The following DGKH variants were observed in gnomAD, a reference collection of about 807,000 sequenced individuals.
DGKH encodes DAG kinase eta.
Under a neutral mutation model 159.3 loss-of-function variants are expected in DGKH, and 90 were observed. That is an observed-to-expected ratio of 0.57 (90% CI 0.48 to 0.67). The LOEUF (loss-of-function observed/expected upper bound fraction) is 0.67. Ranked by LOEUF, DGKH falls within the 30% of genes least tolerant of loss-of-function variation. The probability of loss-of-function intolerance (pLI) is 0.00; values close to 1 mark genes in which losing one functional copy is unlikely to be tolerated. For synonymous variants in DGKH, 536 were observed against 553.8 expected, an observed-to-expected ratio of 0.97 and a Z score of 0.45; for missense variants, 1,181 against 1,506.1, an observed-to-expected ratio of 0.78 and a Z score of 3.57.
intron 23 of DGKH, among the ~76,000 whole-genome samples, 196 bp from the exon 24 acceptor site, chr13:42,210,406 A>T (rs1957621528): frequency 6.6e-6 from 1 of 152,134 alleles, no homozygotes; most frequent in African/African-American, 2.4e-5. Flanking sequence ...CTTTTAAATG[A>T]TGTATTCATG....
chr13:42,219,736 A>C lies in DGKH; in HGVS notation c.3384A>C (p.Arg1128=), dbSNP rs753532093. ...GGAACAACAGAAGCACCGTATTTCGAATAGTGCCAAAGTTTAAAAAGGAAA... is the reference window on the plus strand; with the variant it reads ...GGAACAACAGAAGCACCGTATTTCGCATAGTGCCAAAGTTTAAAAAGGAAA... The part of the protein sequence containing the change: ...TKRNNRSTVF[R]IVPKFKKEKV... The change falls in exon 28 of 30, where the codon CGA becomes CGC. Residue 1128 remains arginine (R), a synonymous_variant. Coordinates refer to ENST00000337343, the MANE Select transcript of DGKH (RefSeq NM_178009.5). 1 of 1,613,858 alleles carries C rather than the reference A, an allele frequency of 6.2e-7. No homozygotes were observed. The highest frequency in any genetic ancestry group is 8.5e-7 in the Non-Finnish European group (1 of 1,179,836).
intron 17 of DGKH, among the ~76,000 whole-genome samples, chr13:42,196,492 T>C (rs762025353): frequency 7.9e-5 from 12 of 152,232 alleles, no homozygotes; most frequent in Non-Finnish European, 1.5e-4. Context: ...TGATACATGC[T>C]ATATAGAAAC....
chr13:42,253,915 G>A (rs549246219), intron 30 of DGKH, among the ~76,000 whole-genome samples: 1 of 148,176 alleles, frequency 6.7e-6, no homozygotes, highest in South Asian at 2.1e-4. Context: ...AACTTAGTAT[G>A]AAAAAAAGAA....
At chr13:42,096,355 C>A (rs547781209) in intron 1 of DGKH, among the ~76,000 whole-genome samples, 31 of 152,228 alleles carry the variant, frequency 2.0e-4, no homozygotes, top group African/African-American at 7.5e-4. Context: ...GTTTTCTGTT[C>A]CTGCGTTAAT....
At chr13:42,130,240 C>T (rs1265203801) in intron 3 of DGKH, among the ~76,000 whole-genome samples, 1 of 152,196 alleles carries the variant, frequency 6.6e-6, no homozygotes, top group Non-Finnish European at 1.5e-5. Context: ...CCTTCTCTGT[C>T]CCACCAGTGC....
intron 24 of DGKH, among the ~76,000 whole-genome samples, chr13:42,212,809 AGGCACACAGT>A (rs1957690756): frequency 6.6e-6 from 1 of 152,206 alleles, no homozygotes; most frequent in African/African-American, 2.4e-5. Flanking sequence ...GATTGACATG[AGGCACACAGT>A]GGACTCTGTA....
intron 21 of DGKH, among the ~76,000 whole-genome samples, chr13:42,208,523 G>A (rs1261199389): frequency 6.6e-6 from 1 of 151,910 alleles, no homozygotes; most frequent in African/African-American, 2.4e-5. Context: ...ATCATAATTT[G>A]CATCTTCATT....
chr13:42,206,265 G>T, intron 21 of DGKH, 119 bp downstream of exon 21: 1 of 496,124 alleles, frequency 2.0e-6, no homozygotes, highest in Non-Finnish European at 3.2e-6. Context: ...TTTTGCATTG[G>T]GTAAGTGAGG....
chr13:42,205,225 G>A (rs1206225184), intron 20 of DGKH, among the ~76,000 whole-genome samples: 5 of 152,056 alleles, frequency 3.3e-5, no homozygotes, highest in Non-Finnish European at 5.9e-5. Context: ...TAATAAGTAT[G>A]ATCATAAAAT....
chr13:42,193,642 G>A (rs768100652), intron 16 of DGKH, among the ~76,000 whole-genome samples: 1 of 152,192 alleles, frequency 6.6e-6, no homozygotes, highest in East Asian at 1.9e-4. Context: ...TCATTAGTAC[G>A]CTCTCTGCTT....
At chr13:42,070,873 T>C (rs1455643601) in intron 1 of DGKH, 19 of 1,294,616 alleles carry the variant, frequency 1.5e-5, no homozygotes, top group Non-Finnish European at 2.1e-5. Flanking sequence ...AATGTTATCA[T>C]GGTCAAGTCT....
intron 1 of DGKH, among the ~76,000 whole-genome samples, chr13:42,041,136 C>T (rs1320979385): frequency 1.3e-5 from 2 of 152,170 alleles, no homozygotes; most frequent in African/African-American, 4.8e-5. Flanking sequence ...AGGCTCTCCC[C>T]GAGGAACCGC....
At chr13:42,158,074 C>T (rs1956087654) in intron 5 of DGKH, among the ~76,000 whole-genome samples, 1 of 152,120 alleles carries the variant, frequency 6.6e-6, no homozygotes, top group Non-Finnish European at 1.5e-5. Flanking sequence ...GAATATTTTT[C>T]AAGGATAAAC....
intron 1 of DGKH, among the ~76,000 whole-genome samples, chr13:42,111,495 G>T (rs529045984): frequency 6.6e-6 from 1 of 152,134 alleles, no homozygotes; most frequent in African/African-American, 2.4e-5. Flanking sequence ...TGCGAGAATC[G>T]CTTGAACCTG....
Position 42,059,909 on chromosome 13 carries a change from T to C in DGKH, c.192+10944T>C, listed in dbSNP as rs557588031. 1.3e-3 allele frequency among the ~76,000 whole-genome samples: 198 copies of C among 150,746 alleles called. 2 individuals carry two copies. Among genetic ancestry groups the C allele is most frequent in the African/African-American group, 4.7e-3 (192 of 41,252 alleles). On this transcript the variant is annotated intron_variant, in intron 1 of 29. Transcript: ENST00000337343. ...TTTAAGTTCTCTCTCTTTTTTCTTT[T>C]TTTTTTTTTTTATATATATAGAGTC...
chr13:42,050,102 G>A (rs61959191), intron 1 of DGKH, among the ~76,000 whole-genome samples: 1 of 152,050 alleles, frequency 6.6e-6, no homozygotes, highest in Non-Finnish European at 1.5e-5. Context: ...CGGTAACGGT[G>A]GCTCATGCCT....
chr13:42,070,954 G>T, intron 1 of DGKH: 2 of 1,303,274 alleles, frequency 1.5e-6, no homozygotes, highest in Non-Finnish European at 2.2e-6. Context: ...TTTCTTGATG[G>T]CTACTCTTTT....
At chr13:42,169,413 C>T (rs1956392317) in intron 11 of DGKH, among the ~76,000 whole-genome samples, 1 of 152,136 alleles carries the variant, frequency 6.6e-6, no homozygotes, top group South Asian at 2.1e-4. Flanking sequence ...TAATTGCTTT[C>T]TCTCTGAATG....
intron 3 of DGKH, among the ~76,000 whole-genome samples, chr13:42,134,605 C>T (rs1204361792): frequency 1.3e-5 from 2 of 152,178 alleles, no homozygotes; most frequent in Admixed American, 6.5e-5. Flanking sequence ...CAGGGTGGCT[C>T]ATGTCTGTAA....
Sources: gnomAD v4.1 joint callset for allele counts (sites outside exome capture counted in the v4.1 genomes callset) on GRCh38, gnomAD v4.1.1 for gene constraint, MANE v1.5 for transcripts, NCBI Gene and HGNC (gene_info 2026-07-23, HGNC 2026-07-21) for gene names.